The following TAS2R1 variants were observed in gnomAD, a reference collection of about 807,000 sequenced individuals.
The protein encoded by TAS2R1 is taste 2 receptor member 1, also known as taste receptor type 2 member 1.
For synonymous variants in TAS2R1, 141 were observed against 134.2 expected (o/e 1.05, Z -0.35); for missense variants, 370 against 353.4 (o/e 1.05, Z -0.38).
chr5:9,802,895 T>G, the TAS2R1 span, among the ~76,000 whole-genome samples: 3 of 151,984 alleles, frequency 2.0e-5, no homozygotes, highest in Admixed American at 6.6e-5. Context: ...ACAGCGAGAC[T>G]CCGTCTAAAA....
the TAS2R1 span, among the ~76,000 whole-genome samples, chr5:9,869,148 C>A: frequency 2.6e-5 from 4 of 152,174 alleles, no homozygotes; most frequent in Non-Finnish European, 5.9e-5. Flanking sequence ...TACCCAGTTC[C>A]AAAGTCACTT....
At chr5:9,793,879 G>C in the TAS2R1 span, among the ~76,000 whole-genome samples, 1 of 152,136 alleles carries the variant, frequency 6.6e-6, no homozygotes, top group Non-Finnish European at 1.5e-5. Context: ...CCTGTGTCTC[G>C]GTCCAGAACC....
At chr5:9,870,676 T>C in the TAS2R1 span, among the ~76,000 whole-genome samples, 50 of 152,338 alleles carry the variant, frequency 3.3e-4, no homozygotes, top group Middle Eastern at 6.8e-3. Context: ...ATAAATGTGA[T>C]TGCAGAGCAG....
the TAS2R1 span, among the ~76,000 whole-genome samples, chr5:9,723,129 C>T: frequency 1.6e-4 from 25 of 152,282 alleles, no homozygotes; most frequent in African/African-American, 5.8e-4. Flanking sequence ...TCTGCTGTTC[C>T]CGGGGTTCCC....
At chr5:9,757,152 A>G in the TAS2R1 span, among the ~76,000 whole-genome samples, 2 of 152,232 alleles carry the variant, frequency 1.3e-5, no homozygotes, top group African/African-American at 4.8e-5. Flanking sequence ...TTAAGATTTT[A>G]ATTTACTTTA....
At chr5:9,856,351 A>C in the TAS2R1 span, among the ~76,000 whole-genome samples, 1 of 152,086 alleles carries the variant, frequency 6.6e-6, no homozygotes, top group African/African-American at 2.4e-5. Context: ...CCAAGTGGAG[A>C]CACTAATAGG....
At chr5:9,898,404 C>T in the TAS2R1 span, among the ~76,000 whole-genome samples, 4 of 152,246 alleles carry the variant, frequency 2.6e-5, no homozygotes, top group East Asian at 1.9e-4. Context: ...GAGAGAGGGA[C>T]GAGGTAGAAG....
chr5:9,714,449 C>A (rs1006153958), upstream of TAS2R1, among the ~76,000 whole-genome samples: 3 of 152,212 alleles, frequency 2.0e-5, no homozygotes, highest in African/African-American at 7.2e-5. Context: ...CAGGCTTTGT[C>A]ATCAGCCAGT....
At chr5:9,822,456 T>C in the TAS2R1 span, among the ~76,000 whole-genome samples, 1 of 151,630 alleles carries the variant, frequency 6.6e-6, no homozygotes, top group East Asian at 1.9e-4. Context: ...TTCAAGCAAT[T>C]CTCCTGCCTC....
chr5:9,691,010 GTC>G (rs1741239573), intron 1 of TAS2R1, among the ~76,000 whole-genome samples: 1 of 152,170 alleles, frequency 6.6e-6, no homozygotes. Context: ...AAACGTGGGC[GTC>G]TCTGCACTGT....
the TAS2R1 span, among the ~76,000 whole-genome samples, chr5:9,899,195 A>G: frequency 6.6e-6 from 1 of 152,172 alleles, no homozygotes; most frequent in Non-Finnish European, 1.5e-5. Flanking sequence ...GGCACTCAGG[A>G]TGTATGACCA....
the TAS2R1 span, among the ~76,000 whole-genome samples, chr5:9,789,493 C>T: frequency 4.3e-4 from 65 of 152,292 alleles, no homozygotes; most frequent in African/African-American, 1.5e-3. Context: ...CAACGTGGAG[C>T]CAATTACAAC....
the TAS2R1 span, among the ~76,000 whole-genome samples, chr5:9,800,004 T>C: frequency 6.6e-6 from 1 of 152,196 alleles, no homozygotes; most frequent in Non-Finnish European, 1.5e-5. Context: ...TGGAAAAAGG[T>C]AGAAACTGCC....
intron 1 of TAS2R1, among the ~76,000 whole-genome samples, chr5:9,710,923 TTATA>T (rs896615794): frequency 6.8e-6 from 1 of 146,058 alleles, no homozygotes; most frequent in Non-Finnish European, 1.5e-5. Flanking sequence ...ATTATATATA[TTATA>T]TATATAATAT....
chr5:9,668,421 A>G (rs912449648), intron 1 of TAS2R1, among the ~76,000 whole-genome samples: 12 of 152,162 alleles, frequency 7.9e-5, no homozygotes, highest in Non-Finnish European at 1.8e-4. Context: ...CCCCTGCAAG[A>G]TACCTTACAA....
intron 1 of TAS2R1, among the ~76,000 whole-genome samples, chr5:9,675,794 C>A (rs149298783): frequency 6.6e-6 from 1 of 152,254 alleles, no homozygotes; most frequent in South Asian, 2.1e-4. Context: ...ATCACGCCAT[C>A]TGCAAACAGA....
intron 2 of TAS2R1, among the ~76,000 whole-genome samples, chr5:9,653,998 C>A (rs1004941861): frequency 6.6e-6 from 1 of 151,968 alleles, no homozygotes; most frequent in African/African-American, 2.4e-5. Flanking sequence ...GAAGTCAGGC[C>A]GAGGGCTGAG....
the TAS2R1 span, among the ~76,000 whole-genome samples, chr5:9,858,353 T>C: frequency 4.6e-5 from 7 of 152,256 alleles, no homozygotes; most frequent in African/African-American, 1.7e-4. Context: ...CAAGGCAAAG[T>C]GCAGTGCTTA....
In TAS2R1 at chr5:9,630,084, G is replaced by A; in HGVS notation, c.-52C>T. The A allele has an allele frequency of 6.9e-7, 1 of 1,445,806 alleles. No homozygotes were observed. The highest frequency in any genetic ancestry group is 9.2e-7 in the Non-Finnish European group (1 of 1,090,578). The allele number at this position is 1,445,806 out of a possible 1,614,324, so 89.6% of individuals were successfully genotyped here. ...AAAAATAATGAAGTTATAAAGTTTT[G>A]GACAGGTTGGGTTGTTCACGCTCTT... On this transcript the variant is annotated 5_prime_UTR_variant, in exon 1 of 1. Transcript: ENST00000382492.
Sources: allele counts gnomAD v4.1 joint callset (sites outside exome capture counted in the v4.1 genomes callset), GRCh38; gene constraint gnomAD v4.1.1; transcripts MANE v1.5; gene names NCBI Gene and HGNC (gene_info 2026-07-23, HGNC 2026-07-21).